B4GALT6: variants seen among roughly 807,000 people sequenced by gnomAD.
B4GALT6 encodes beta-1,4-galactosyltransferase 6.
In B4GALT6, 14 loss-of-function variants were observed where a neutral mutation model predicts 46.3. The observed-to-expected ratio is 0.30, with a 90% confidence interval of 0.20 to 0.47. The LOEUF (loss-of-function observed/expected upper bound fraction) is 0.47, where lower values mean the gene tolerates loss of function less well. Among genes scored for constraint, B4GALT6 ranks in the 20% least tolerant of loss-of-function variants. The pLI, the probability that B4GALT6 is intolerant of heterozygous loss-of-function variation, is 0.99. For synonymous variants in B4GALT6, 168 were observed against 162.0 expected (o/e 1.04, Z -0.28); for missense variants, 386 against 480.1 (o/e 0.80, Z 1.83).
the B4GALT6 span, among the ~76,000 whole-genome samples, chr18:31,705,939 T>C: frequency 5.9e-5 from 9 of 152,248 alleles, no homozygotes; most frequent in African/African-American, 2.2e-4. Flanking sequence ...GTTTGTCATT[T>C]TGCTGATTCC....
chr18:31,658,034 G>C lies in B4GALT6; in HGVS notation c.288C>G (p.Leu96=). The C allele has an allele frequency of 1.2e-6, 2 of 1,613,382 alleles. No homozygotes were observed. The highest frequency in any genetic ancestry group is 1.7e-6 in the Non-Finnish European group (2 of 1,179,826). The part of the protein sequence containing the change: ...SDYLVQTTTY[L]PENFTYSPYL... ...ATGGTGAGTATGTGAAGTTTTCCGG[G>C]AGATACGTTGTTGTTTGAACAAGAT... is the stretch of plus-strand genomic sequence containing the variant. The change falls in exon 3 of 9, where the codon CTC becomes CTG. Residue 96 remains leucine (L), a synonymous_variant. Coordinates refer to ENST00000306851, the MANE Select transcript of B4GALT6 (RefSeq NM_004775.5).
At chr18:31,688,272 T>TAC (rs1303217462), upstream of B4GALT6, among the ~76,000 whole-genome samples, 25 of 149,690 alleles carry the variant, frequency 1.7e-4, no homozygotes, top group Non-Finnish European at 1.2e-4. Flanking sequence ...TATATATATA[T>TAC]ACACACACAC....
the B4GALT6 span, among the ~76,000 whole-genome samples, chr18:31,718,649 A>G: frequency 6.6e-6 from 1 of 152,124 alleles, no homozygotes. Flanking sequence ...CTGGCCATGA[A>G]GAGCCAAAAG....
chr18:31,692,969 T>C, the B4GALT6 span, among the ~76,000 whole-genome samples: 2 of 152,208 alleles, frequency 1.3e-5, no homozygotes, highest in African/African-American at 4.8e-5. Context: ...ACTTAAGTGA[T>C]TGCTTCATCC....
At chr18:31,715,379 G>A in the B4GALT6 span, among the ~76,000 whole-genome samples, 1 of 151,746 alleles carries the variant, frequency 6.6e-6, no homozygotes, top group Admixed American at 6.6e-5. Flanking sequence ...GCATGTACCA[G>A]CACACCTGGC....
chr18:31,651,137 C>A (rs950365245), intron 3 of B4GALT6, among the ~76,000 whole-genome samples: 1 of 152,114 alleles, frequency 6.6e-6, no homozygotes. Context: ...ATGACCTTCA[C>A]CCGATCACAG....
intron 2 of B4GALT6, among the ~76,000 whole-genome samples, chr18:31,665,145 G>A (rs1310161251): frequency 6.6e-6 from 1 of 152,216 alleles, no homozygotes; most frequent in Non-Finnish European, 1.5e-5. Flanking sequence ...AGTAGAATGT[G>A]TAGGTTTACA....
At chr18:31,659,935 T>C (rs1368509072) in intron 2 of B4GALT6, among the ~76,000 whole-genome samples, 1 of 150,820 alleles carries the variant, frequency 6.6e-6, no homozygotes, top group African/African-American at 2.5e-5. Flanking sequence ...TCCAATAAAG[T>C]TCTGATTCTT....
At chr18:31,646,523 A>C (rs1244904389) in intron 3 of B4GALT6, among the ~76,000 whole-genome samples, 1 of 152,232 alleles carries the variant, frequency 6.6e-6, no homozygotes, top group African/African-American at 2.4e-5. Flanking sequence ...TAGCAGTTTT[A>C]ATGTCATCCG....
At chr18:31,647,379 A>C (rs1050330032) in intron 3 of B4GALT6, among the ~76,000 whole-genome samples, 8 of 152,074 alleles carry the variant, frequency 5.3e-5, no homozygotes, top group Non-Finnish European at 1.0e-4. Flanking sequence ...GACAGGCTTT[A>C]TTTCTTTCCC....
In B4GALT6 at chr18:31,647,936, T is replaced by C. The variant is rs549804841; in HGVS notation, c.347-2457A>G. ...AGCCACTTTCATCTCTTTCGCGTACTCTTTTGTCCCCTTTAGGTTTCACTC... is the reference window on the plus strand; with the variant it reads ...AGCCACTTTCATCTCTTTCGCGTACCCTTTTGTCCCCTTTAGGTTTCACTC... On this transcript the variant is annotated intron_variant, in intron 3 of 8. Coordinates refer to ENST00000306851, the MANE Select transcript of B4GALT6 (RefSeq NM_004775.5). Among the ~76,000 whole-genome samples, 3 of 152,274 alleles carry C rather than the reference T, an allele frequency of 2.0e-5. No individual in the cohort carries two copies. The South Asian group carries it at 6.2e-4, about 32-fold the overall frequency.
the B4GALT6 span, among the ~76,000 whole-genome samples, chr18:31,715,307 C>A: frequency 6.6e-6 from 1 of 152,146 alleles, no homozygotes; most frequent in Non-Finnish European, 1.5e-5. Flanking sequence ...CTCACTGGAG[C>A]CTCAAACTCC....
the B4GALT6 span, among the ~76,000 whole-genome samples, chr18:31,702,120 A>T: frequency 2.6e-5 from 4 of 152,232 alleles, no homozygotes; most frequent in Non-Finnish European, 4.4e-5. Flanking sequence ...GCAATAAGAT[A>T]CTTTCTTGCA....
chr18:31,698,375 C>G, the B4GALT6 span, among the ~76,000 whole-genome samples: 5 of 152,276 alleles, frequency 3.3e-5, no homozygotes, highest in South Asian at 1.0e-3. Context: ...TCTGTAATCA[C>G]AGCACTTCAC....
At chr18:31,715,537 C>CTTTTTTTTTT in the B4GALT6 span, among the ~76,000 whole-genome samples, 45 of 49,630 alleles carry the variant, frequency 9.1e-4, 1 homozygote, top group East Asian at 6.9e-3. Context: ...CTGGAACTGT[C>CTTTTTTTTTT]TTTTTTTTTT....
At chr18:31,675,880 G>A (rs906658131) in intron 1 of B4GALT6, among the ~76,000 whole-genome samples, 4 of 152,060 alleles carry the variant, frequency 2.6e-5, no homozygotes, top group South Asian at 2.1e-4. Context: ...TGAACTATTT[G>A]AATATGTTTT....
In B4GALT6 at chr18:31,645,424, G is replaced by A. The variant is rs114543734; in HGVS notation, c.402C>T (p.Leu134=). 4.1e-3 allele frequency: 6,653 copies of A among 1,613,758 alleles called. 26 individuals carry two copies. The highest frequency in any genetic ancestry group is 5.1e-3 in the Non-Finnish European group (6,029 of 1,179,866). The part of the protein sequence containing the change: ...SEVSFDEIHQ[L]FSKDLDIEPG... ...GCTCAATATCTAAATCCTTGGAGAA[G>A]AGTTGATGAATTTCATCAAAACTGA... is the stretch of plus-strand genomic sequence containing the variant. The change falls in exon 4 of 9, where the codon CTC becomes CTT. Residue 134 remains leucine, a synonymous_variant. Coordinates refer to ENST00000306851, the MANE Select transcript of B4GALT6 (RefSeq NM_004775.5).
intron 3 of B4GALT6, among the ~76,000 whole-genome samples, chr18:31,651,097 C>A (rs1263614712): frequency 6.7e-6 from 1 of 148,522 alleles, no homozygotes; most frequent in Admixed American, 6.7e-5. Context: ...TGTAGATCAT[C>A]TGAATCACAC....
upstream of B4GALT6, among the ~76,000 whole-genome samples, chr18:31,689,000 T>C (rs1174974053): frequency 1.3e-5 from 2 of 152,230 alleles, no homozygotes; most frequent in African/African-American, 4.8e-5. Context: ...CTTAAACATC[T>C]GTGCCAAGAA....
Sources: gnomAD v4.1 joint callset for allele counts (sites outside exome capture counted in the v4.1 genomes callset) on GRCh38, gnomAD v4.1.1 for gene constraint, MANE v1.5 for transcripts, NCBI Gene and HGNC (gene_info 2026-07-23, HGNC 2026-07-21) for gene names.